The following SDK2 variants were observed in gnomAD, a reference collection of about 807,000 sequenced individuals.
SDK2 encodes sidekick cell adhesion molecule 2, also known as protein sidekick-2.
A neutral mutation model predicts 253.9 loss-of-function variants in SDK2; 105 were observed. The observed-to-expected ratio is 0.41, with a 90% CI of 0.35 to 0.49. The LOEUF is 0.49. SDK2 is among the 20% of genes least tolerant of loss of function. The probability of loss-of-function intolerance (pLI) is 0.06; values close to 1 mark genes in which losing one functional copy is unlikely to be tolerated. For synonymous variants in SDK2, 1,249 were observed against 1,234.9 expected, an observed-to-expected ratio of 1.01 and a Z score of -0.24; for missense variants, 2,608 against 3,003.0, an observed-to-expected ratio of 0.87 and a Z score of 3.07.
intron 1 of SDK2, among the ~76,000 whole-genome samples, chr17:73,605,730 G>T (rs551067678): frequency 1.4e-3 from 216 of 151,794 alleles, no homozygotes; most frequent in African/African-American, 5.1e-3. Context: ...TGACCTGTTT[G>T]GGTTCCTCAC....
At chr17:73,410,416 C>T (rs548014552) in intron 18 of SDK2, among the ~76,000 whole-genome samples, 6 of 152,266 alleles carry the variant, frequency 3.9e-5, no homozygotes, top group African/African-American at 9.6e-5. Flanking sequence ...TGGGTTCAAG[C>T]GATTCTCCTG....
At chr17:73,512,625 A>G (rs771080433) in intron 1 of SDK2, among the ~76,000 whole-genome samples, 2 of 152,200 alleles carry the variant, frequency 1.3e-5, no homozygotes, top group South Asian at 2.1e-4. Flanking sequence ...TACAGTTCAC[A>G]TCAAAACAAC....
At chr17:73,600,114 T>C (rs1178165980) in intron 1 of SDK2, among the ~76,000 whole-genome samples, 1 of 152,198 alleles carries the variant, frequency 6.6e-6, no homozygotes, top group Non-Finnish European at 1.5e-5. Flanking sequence ...GTCCTTGTGC[T>C]GGACAGGAGG....
intron 1 of SDK2, among the ~76,000 whole-genome samples, chr17:73,533,676 GC>G (rs1314259475): frequency 1.5e-4 from 7 of 45,726 alleles, no homozygotes; most frequent in African/African-American, 5.3e-4. Context: ...CCCTCCCCCA[GC>G]CCCCCACCCC....
In SDK2 at chr17:73,352,497, T is replaced by TG; in HGVS notation, c.5733dup (p.Ser1912GlnfsTer17). The stretch of plus-strand genomic sequence containing the variant: ...CCTGGCACAGACTGGGAGGGGCTGC[T>TG]GGGGGTGCCGAAACCATAGTCGTTG... On this transcript the variant is annotated frameshift_variant, in exon 41 of 45. Coordinates refer to ENST00000392650, the MANE Select transcript of SDK2 (RefSeq NM_001144952.2). LOFTEE classifies it high-confidence loss of function. This position sits in a 1 kb window ranked among gnomAD's most constrained non-coding sequence, Gnocchi z 4.1. 1 of 1,613,602 alleles carries TG rather than the reference T, an allele frequency of 6.2e-7. No homozygotes were observed. Among genetic ancestry groups the TG allele is most frequent in the Non-Finnish European group, 8.5e-7 (1 of 1,179,788 alleles).
At chr17:73,578,335 G>A (rs1038025983) in intron 1 of SDK2, among the ~76,000 whole-genome samples, 5 of 152,192 alleles carry the variant, frequency 3.3e-5, no homozygotes, top group African/African-American at 1.2e-4. Context: ...AAAGTGCTGG[G>A]ATTACAGGCG....
chr17:73,437,370 T>C (rs970203174), intron 8 of SDK2, among the ~76,000 whole-genome samples: 1 of 152,146 alleles, frequency 6.6e-6, no homozygotes, highest in Non-Finnish European at 1.5e-5. Context: ...GGAAACAGGC[T>C]GAGCTTATAA....
rs1254464528 is a variant in SDK2, at chr17:73,496,501, T to A, written c.224+10937A>T. Reference sequence around the variant, plus strand: ...AAGAGCAGAGACCACGGGTGCACGATGCGTTCTGCCCATTAGCGAAGGGAG... The same window carrying A: ...AAGAGCAGAGACCACGGGTGCACGAAGCGTTCTGCCCATTAGCGAAGGGAG... On this transcript the variant is annotated intron_variant, in intron 2 of 44. Transcript: ENST00000392650. The surrounding 1 kb of genome is among the most constrained non-coding windows in gnomAD (Gnocchi z 4.7). Among the ~76,000 whole-genome samples, 1 of 152,128 alleles carries A rather than the reference T, an allele frequency of 6.6e-6. No homozygotes were observed. Among genetic ancestry groups the A allele is most frequent in the African/African-American group, 2.4e-5 (1 of 41,422 alleles).
chr17:73,357,266 T>G (rs2062599855), intron 40 of SDK2: 1 of 152,478 alleles, frequency 6.6e-6, no homozygotes, highest in Non-Finnish European at 1.5e-5. Context: ...AATTCATCAC[T>G]GGGATGTTTC....
intron 1 of SDK2, among the ~76,000 whole-genome samples, chr17:73,533,718 C>G (rs2064189574): frequency 7.2e-6 from 1 of 138,034 alleles, no homozygotes; most frequent in African/African-American, 2.6e-5. Context: ...GGGGAACCCA[C>G]TTGGGCATCA....
chr17:73,574,558 G>A (rs1193820614), intron 1 of SDK2, among the ~76,000 whole-genome samples: 1 of 152,164 alleles, frequency 6.6e-6, no homozygotes, highest in Non-Finnish European at 1.5e-5. Flanking sequence ...GGAGATGGGG[G>A]TGGATCTTTC....
Position 73,609,158 on chromosome 17 carries a change from T to C in SDK2, c.64+34867A>G, listed in dbSNP as rs1175953890. Among the ~76,000 whole-genome samples the C allele has an allele frequency of 6.6e-6, 1 of 152,062 alleles. No individual in the cohort carries two copies. The highest frequency in any genetic ancestry group is 2.4e-5 in the African/African-American group (1 of 41,392). On this transcript the variant is annotated intron_variant, in intron 1 of 44. Coordinates refer to ENST00000392650, the MANE Select transcript of SDK2 (RefSeq NM_001144952.2). The surrounding 1 kb of genome is among the most constrained non-coding windows in gnomAD (Gnocchi z 4.4). ...TTTGCAAGACCTTGTGTGTGTTCAG[T>C]TGGGATGACTTGGTCATCAAAGTGA...
At chr17:73,451,815 T>C (rs2063491933) in intron 4 of SDK2, among the ~76,000 whole-genome samples, 1 of 152,122 alleles carries the variant, frequency 6.6e-6, no homozygotes, top group African/African-American at 2.4e-5. Flanking sequence ...CTGTACTGGG[T>C]GCTCTTCCTG....
intron 36 of SDK2, among the ~76,000 whole-genome samples, chr17:73,372,196 AC>A (rs1345580737): frequency 1.3e-5 from 2 of 152,108 alleles, no homozygotes; most frequent in African/African-American, 2.4e-5. Context: ...CATTCTGCGG[AC>A]CTTTGTTAGC....
rs79585726 is a variant in SDK2 at position 73,554,373 on chromosome 17, C to T, written c.65-46776G>A. On this transcript the variant is annotated intron_variant, in intron 1 of 44. Coordinates refer to ENST00000392650, the MANE Select transcript of SDK2 (RefSeq NM_001144952.2). ...ATGCAACTAAATTTGGAGATAGGAT[C>T]TTTACAGAGGTAACTAAGGTTAAAT... Among the ~76,000 whole-genome samples the T allele has an allele frequency of 2.5e-3, 385 of 152,290 alleles. 1 individual carries two copies. Among genetic ancestry groups the T allele is most frequent in the African/African-American group, 8.7e-3 (363 of 41,556 alleles).
intron 28 of SDK2, 118 bp downstream of exon 28, chr17:73,391,322 G>A (rs1211428129): frequency 4.5e-6 from 2 of 445,076 alleles, no homozygotes; most frequent in Non-Finnish European, 3.9e-6. Flanking sequence ...CATTCTAGAG[G>A]GGATGTGGAG....
chr17:73,351,512 A>C (rs1354907221), intron 41 of SDK2, among the ~76,000 whole-genome samples: 2 of 152,000 alleles, frequency 1.3e-5, no homozygotes, highest in Non-Finnish European at 2.9e-5. Flanking sequence ...AGGATGAGAG[A>C]GCTTTTCCTG....
chr17:73,423,071 T>C (rs577016449), intron 14 of SDK2, among the ~76,000 whole-genome samples: 10 of 148,504 alleles, frequency 6.7e-5, no homozygotes, highest in African/African-American at 2.6e-4. Context: ...CAATGCGAAT[T>C]ATGCCTGCTC....
chr17:73,512,257 C>G (rs1008921091), intron 1 of SDK2, among the ~76,000 whole-genome samples: 1 of 152,074 alleles, frequency 6.6e-6, no homozygotes, highest in Non-Finnish European at 1.5e-5. Flanking sequence ...TAGAACAGAG[C>G]CTGGCACGTG....
Sources: gnomAD v4.1 joint callset for allele counts (sites outside exome capture counted in the v4.1 genomes callset) on GRCh38, gnomAD v4.1.1 for gene constraint, Gnocchi (gnomAD v3.1) non-coding constraint, MANE v1.5 for transcripts, NCBI Gene and HGNC (gene_info 2026-07-23, HGNC 2026-07-21) for gene names.